Variants in KIF2A observed in about 807,000 individuals in gnomAD.
KIF2A encodes the protein kinesin-like protein KIF2A.
In KIF2A, 22 loss-of-function variants were observed where a neutral mutation model predicts 100.2. That is an observed-to-expected ratio of 0.22 (90% CI 0.16 to 0.31). The LOEUF (loss-of-function observed/expected upper bound fraction) is 0.31, where lower values mean the gene tolerates loss of function less well. Among genes scored for constraint, KIF2A ranks in the 10% least tolerant of loss-of-function variants. KIF2A has a pLI of 1.00. For missense variants in KIF2A, 495 were observed against 898.7 expected, an observed-to-expected ratio of 0.55 and a Z score of 5.74; for synonymous variants, 268 against 285.9, an observed-to-expected ratio of 0.94 and a Z score of 0.63.
intron 19 of KIF2A, 38 bp downstream of exon 19, chr5:62,377,800 G>A (rs1741613201): frequency 9.1e-7 from 1 of 1,100,178 alleles, no homozygotes; most frequent in South Asian, 1.5e-5. Context: ...AATATTTCTT[G>A]AGATAAATTA....
chr5:62,345,244 C>G (rs1747498704), intron 1 of KIF2A, among the ~76,000 whole-genome samples: 1 of 151,988 alleles, frequency 6.6e-6, no homozygotes, highest in South Asian at 2.1e-4. Flanking sequence ...AAAAATTAGC[C>G]CATTGTGGTG....
chr5:62,363,836 C>G lies in KIF2A; in HGVS notation c.1404C>G (p.Ser468=), dbSNP rs1172376466. 6.2e-7 allele frequency: 1 copy of G among 1,613,746 alleles called. No homozygotes were observed. The highest frequency in any genetic ancestry group is 8.5e-7 in the Non-Finnish European group (1 of 1,179,842). Residue 468 remains serine (S), a synonymous_variant, in exon 14 of 21, where the codon TCC becomes TCG. Coordinates refer to ENST00000407818, the MANE Select transcript of KIF2A (RefSeq NM_001098511.3). ...LAGNERGADT[S]SADRQTRLEG... is the part of the protein sequence containing the mutation. ...GAAATGAAAGAGGAGCTGATACTTC[C>G]AGTGCGGACAGGCAAACTAGGCTTG...
At chr5:62,318,836 G>A (rs535254385) in intron 1 of KIF2A, among the ~76,000 whole-genome samples, 1 of 152,194 alleles carries the variant, frequency 6.6e-6, no homozygotes, top group African/African-American at 2.4e-5. Flanking sequence ...ATGGATTACT[G>A]CATATCTCCA....
chr5:62,370,269 C>T (rs1314220763), intron 16 of KIF2A, among the ~76,000 whole-genome samples: 10 of 152,072 alleles, frequency 6.6e-5, no homozygotes, highest in Non-Finnish European at 4.4e-5. Flanking sequence ...TCTAGTTCAT[C>T]AGATGACAAT....
chr5:62,358,062 T>C, intron 8 of KIF2A, 75 bp from the exon 9 acceptor site: 1 of 1,108,958 alleles, frequency 9.0e-7, no homozygotes, highest in Non-Finnish European at 1.3e-6. Context: ...TAGTTCTTAC[T>C]ACTTAAAATA....
chr5:62,326,654 A>G (rs1043665982), intron 1 of KIF2A, among the ~76,000 whole-genome samples: 6 of 151,620 alleles, frequency 4.0e-5, no homozygotes, highest in Non-Finnish European at 8.8e-5. Flanking sequence ...TTACTGAGTC[A>G]TTTCCATCAA....
chr5:62,373,919 T>A, intron 18 of KIF2A, 82 bp downstream of exon 18: 1 of 1,159,462 alleles, frequency 8.6e-7, no homozygotes, highest in Non-Finnish European at 1.3e-6. Context: ...ATCATTTAAA[T>A]GAGGTGTCAG....
chr5:62,326,953 A>G (rs571299238), intron 1 of KIF2A, among the ~76,000 whole-genome samples: 2 of 152,292 alleles, frequency 1.3e-5, no homozygotes, highest in South Asian at 4.1e-4. Flanking sequence ...GCCGAGATCC[A>G]GCCACTGCCT....
chr5:62,352,794 T>C (rs1747920024), intron 5 of KIF2A, 84 bp downstream of exon 5: 1 of 1,025,890 alleles, frequency 9.7e-7, no homozygotes, highest in South Asian at 2.0e-5. Context: ...CCTCAAAGAG[T>C]AAACACTCTA....
chr5:62,347,275 A>C (rs1747619402), intron 2 of KIF2A, 51 bp downstream of exon 2: 5 of 938,002 alleles, frequency 5.3e-6, no homozygotes, highest in Non-Finnish European at 8.3e-6. Flanking sequence ...CAAGATTCTG[A>C]ATATAAAACA....
intron 19 of KIF2A, among the ~76,000 whole-genome samples, chr5:62,378,078 A>G (rs1265104680): frequency 1.3e-5 from 2 of 152,174 alleles, no homozygotes; most frequent in Non-Finnish European, 2.9e-5. Context: ...AGGCCAATGT[A>G]TTTGATAGCA....
chr5:62,337,489 C>CAA (rs58967018), intron 1 of KIF2A, among the ~76,000 whole-genome samples: 22 of 145,472 alleles, frequency 1.5e-4, no homozygotes, highest in East Asian at 6.0e-4. Flanking sequence ...AAGACTGTCT[C>CAA]AAAAAAAAAA....
intron 1 of KIF2A, among the ~76,000 whole-genome samples, chr5:62,314,635 C>T (rs772090509): frequency 2.4e-4 from 37 of 151,936 alleles, no homozygotes; most frequent in Non-Finnish European, 4.7e-4. Context: ...GACTTTTTCT[C>T]CAGGTTTTTG....
chr5:62,331,845 A>G (rs182872984), intron 1 of KIF2A, among the ~76,000 whole-genome samples: 14 of 151,420 alleles, frequency 9.2e-5, no homozygotes. Flanking sequence ...CTTGGATCTG[A>G]AAAGAATTGA....
rs773478192 is a variant in KIF2A at position 62,372,519 on chromosome 5, T to C, written c.1728T>C (p.Tyr576=). The C allele has an allele frequency of 6.2e-7, 1 of 1,610,798 alleles. No homozygotes were observed. Among genetic ancestry groups the C allele is most frequent in the Non-Finnish European group, 8.5e-7 (1 of 1,177,288 alleles). The change falls in exon 17 of 21, where the codon TAT becomes TAC. Residue 576 remains tyrosine, a synonymous_variant. Coordinates refer to ENST00000407818, the MANE Select transcript of KIF2A (RefSeq NM_001098511.3). ...SGSRPDLSPS[Y]EYDDFSPSVT... ...GTCGCCCTGATCTCTCTCCTTCTTATGAATATGACGACTTTTCTCCTTCAG... is the reference window on the plus strand; with the variant it reads ...GTCGCCCTGATCTCTCTCCTTCTTACGAATATGACGACTTTTCTCCTTCAG...
At chr5:62,347,927 T>C in intron 2 of KIF2A, 121 bp from the exon 3 acceptor site, 1 of 1,063,484 alleles carries the variant, frequency 9.4e-7, no homozygotes. Context: ...CCCAGCCGAG[T>C]TACTGTATTC....
chr5:62,376,365 G>T (rs1329159103), intron 18 of KIF2A, among the ~76,000 whole-genome samples: 1 of 152,126 alleles, frequency 6.6e-6, no homozygotes, highest in Non-Finnish European at 1.5e-5. Flanking sequence ...GATTAAAATG[G>T]AACAGCATCT....
Position 62,385,635 on chromosome 5 carries a change from AAG to A in KIF2A, c.*67_*68del. 1 of 1,115,276 alleles carries A rather than the reference AAG, an allele frequency of 9.0e-7. No homozygotes were observed. The highest frequency in any genetic ancestry group is 1.3e-6 in the Non-Finnish European group (1 of 760,664). The allele number at this position is 1,115,276 out of a possible 1,614,324, so 69.1% of individuals were successfully genotyped here. Reference sequence around the variant, plus strand: ...CTGTAACATACAACGGTTCAGCTGTAAGGGCCATTTGAAAGTTTGGAATTTTA... The same window carrying A: ...CTGTAACATACAACGGTTCAGCTGTAGGCCATTTGAAAGTTTGGAATTTTA... On this transcript the variant is annotated 3_prime_UTR_variant, in exon 21 of 21. Coordinates refer to ENST00000407818, the MANE Select transcript of KIF2A (RefSeq NM_001098511.3).
chr5:62,345,346 C>G (rs547899771), intron 1 of KIF2A, among the ~76,000 whole-genome samples: 2 of 151,514 alleles, frequency 1.3e-5, no homozygotes, highest in Admixed American at 6.6e-5. Context: ...TGAGATTGCT[C>G]CACTGCACTC....
Sources: gnomAD v4.1 joint callset for allele counts (sites outside exome capture counted in the v4.1 genomes callset) on GRCh38, gnomAD v4.1.1 for gene constraint, MANE v1.5 for transcripts, NCBI Gene and HGNC (gene_info 2026-07-23, HGNC 2026-07-21) for gene names.